Variants in NT5DC3 observed in about 807,000 individuals in gnomAD.
NT5DC3 encodes 5'-nucleotidase domain containing 3.
In NT5DC3, 42 loss-of-function variants were observed where a neutral mutation model predicts 67.8. The observed-to-expected ratio is 0.62, with a 90% CI of 0.48 to 0.80. NT5DC3 has a LOEUF of 0.80. NT5DC3 is among the 30% of genes least tolerant of loss of function. The pLI is 0.00. For missense variants in NT5DC3, 570 were observed against 696.4 expected (o/e 0.82, Z 2.04); for synonymous variants, 237 against 255.6 (o/e 0.93, Z 0.69).
intron 4 of NT5DC3, among the ~76,000 whole-genome samples, chr12:103,805,293 A>G (rs1886750874): frequency 1.3e-5 from 2 of 152,184 alleles, no homozygotes; most frequent in Admixed American, 6.5e-5. Context: ...AAGACTTTAA[A>G]GGTTTTAGGG....
intron 7 of NT5DC3, 42 bp downstream of exon 7, chr12:103,793,895 A>C (rs1471084493): frequency 6.5e-7 from 1 of 1,531,790 alleles, no homozygotes; most frequent in Non-Finnish European, 9.0e-7. Flanking sequence ...CAAAAGAAAC[A>C]GAAAGGCTGA....
intron 10 of NT5DC3, 150 bp from the exon 11 acceptor site, chr12:103,787,677 T>C (rs1885853193): frequency 4.0e-6 from 2 of 497,856 alleles, no homozygotes; most frequent in Non-Finnish European, 7.1e-6. Context: ...ATGGGAAATC[T>C]TTCTTCTATG....
chr12:103,837,958 G>C (rs1888221260), intron 1 of NT5DC3, among the ~76,000 whole-genome samples: 2 of 152,198 alleles, frequency 1.3e-5, no homozygotes, highest in African/African-American at 2.4e-5. Context: ...CCATTTTCAT[G>C]CTGCTAATAA....
the NT5DC3 span, among the ~76,000 whole-genome samples, chr12:103,760,718 G>C: frequency 6.6e-6 from 1 of 152,162 alleles, no homozygotes; most frequent in Non-Finnish European, 1.5e-5. Context: ...GTGCCTGACA[G>C]GTAGCAAGTG....
chr12:103,839,711 A>G (rs931845826), intron 1 of NT5DC3, among the ~76,000 whole-genome samples: 2 of 152,194 alleles, frequency 1.3e-5, no homozygotes, highest in African/African-American at 4.8e-5. Flanking sequence ...TCTTTCCACC[A>G]TACCACACAA....
chr12:103,759,328 C>G, the NT5DC3 span: 3 of 1,598,430 alleles, frequency 1.9e-6, no homozygotes, highest in Non-Finnish European at 2.6e-6. Context: ...TGCAAAGTTC[C>G]TGGCATACAG....
Position 103,777,698 on chromosome 12 carries a change from G to T in NT5DC3, c.*131C>A. 1.9e-6 allele frequency: 2 copies of T among 1,080,068 alleles called. No homozygotes were observed. Among genetic ancestry groups the T allele is most frequent in the Non-Finnish European group, 2.7e-6 (2 of 749,928 alleles). 66.9% of individuals were successfully genotyped at this position (1,080,068 alleles called of 1,614,324 possible). A position where few individuals can be genotyped will look rare whatever the true frequency, so the allele number is the denominator to read the frequency against. On this transcript the variant is annotated 3_prime_UTR_variant, in exon 14 of 14. Coordinates refer to ENST00000392876, the MANE Select transcript of NT5DC3 (RefSeq NM_001031701.3). ...TTAACCATTGGGAGAATTATTCTCC[G>T]TAAGGTACAAAATAAATATCAAAAG...
Position 103,798,576 on chromosome 12 carries a change from C to G in NT5DC3, c.615+11G>C, listed in dbSNP as rs529093352. On this transcript the variant is annotated intron_variant, in intron 5 of 13. Transcript: ENST00000392876. Reference sequence around the variant, plus strand: ...AAGGCTGCTTTAAATGAATAAAGTGCTTCTCATTACCTTTCCGTAAAAGTC... The same window carrying G: ...AAGGCTGCTTTAAATGAATAAAGTGGTTCTCATTACCTTTCCGTAAAAGTC... 6.3e-7 allele frequency: 1 copy of G among 1,593,352 alleles called. No individual in the cohort carries two copies. The highest frequency in any genetic ancestry group is 1.3e-5 in the African/African-American group (1 of 74,560).
intron 2 of NT5DC3, among the ~76,000 whole-genome samples, chr12:103,811,232 G>A (rs1887016965): frequency 7.1e-6 from 1 of 140,638 alleles, no homozygotes; most frequent in South Asian, 2.5e-4. Context: ...ACGCCTTGGA[G>A]TGTATGTTCT....
At chr12:103,787,662 C>A in intron 10 of NT5DC3, 135 bp from the exon 11 acceptor site, 2 of 500,284 alleles carry the variant, frequency 4.0e-6, no homozygotes, top group South Asian at 4.7e-5. Flanking sequence ...GATAAAAGCA[C>A]CTTCATGGGA....
the NT5DC3 span, among the ~76,000 whole-genome samples, chr12:103,761,054 G>A: frequency 7.2e-5 from 11 of 152,290 alleles, no homozygotes; most frequent in East Asian, 5.8e-4. Context: ...TCACTCATCT[G>A]TCAGACAAGT....
At chr12:103,786,732 G>A (rs1885798544) in intron 11 of NT5DC3, among the ~76,000 whole-genome samples, 1 of 144,428 alleles carries the variant, frequency 6.9e-6, no homozygotes, top group South Asian at 2.2e-4. Flanking sequence ...GCCTAGGCTA[G>A]AGTGCAATGG....
intron 2 of NT5DC3, among the ~76,000 whole-genome samples, chr12:103,814,179 C>A (rs566733683): frequency 6.6e-6 from 1 of 152,328 alleles, no homozygotes; most frequent in Admixed American, 6.5e-5. Context: ...TATTGCAGGG[C>A]TTGGCACAAG....
chr12:103,761,847 T>TA, the NT5DC3 span, among the ~76,000 whole-genome samples: 1 of 152,170 alleles, frequency 6.6e-6, no homozygotes, highest in Non-Finnish European at 1.5e-5. Flanking sequence ...TGACACACAG[T>TA]ACATGCTATA....
intron 12 of NT5DC3, among the ~76,000 whole-genome samples, chr12:103,780,636 T>C (rs1885511056): frequency 6.6e-6 from 1 of 152,242 alleles, no homozygotes; most frequent in African/African-American, 2.4e-5. Flanking sequence ...CAGTAAAGAT[T>C]ACATATAAAC....
chr12:103,748,999 C>T, the NT5DC3 span: 2 of 1,614,036 alleles, frequency 1.2e-6, no homozygotes, highest in Non-Finnish European at 8.5e-7. Context: ...GGGGGCTGTG[C>T]AAAGGTGGCC....
the NT5DC3 span, chr12:103,761,528 C>A: frequency 1.2e-6 from 1 of 851,486 alleles, no homozygotes; most frequent in Non-Finnish European, 1.8e-6. Flanking sequence ...ACTGGAGGAG[C>A]CTCCAGCCTC....
In NT5DC3 at chr12:103,777,686, G is replaced by C; in HGVS notation, c.*143C>G. 1 of 990,300 alleles carries C rather than the reference G, an allele frequency of 1.0e-6. No homozygotes were observed. The allele number at this position is 990,300 out of a possible 1,614,324, so 61.3% of individuals were successfully genotyped here. On this transcript the variant is annotated 3_prime_UTR_variant, in exon 14 of 14. Coordinates refer to ENST00000392876, the MANE Select transcript of NT5DC3 (RefSeq NM_001031701.3). ...CTAGCTCCTGTCTTAACCATTGGGAGAATTATTCTCCGTAAGGTACAAAAT... is the reference window on the plus strand; with the variant it reads ...CTAGCTCCTGTCTTAACCATTGGGACAATTATTCTCCGTAAGGTACAAAAT...
At position 103,806,906 on chromosome 12, in the gene NT5DC3, A is replaced by T. The variant is rs1235889620; in HGVS notation, c.417T>A (p.Tyr139Ter). The change falls in exon 3 of 14, where the codon TAT becomes TAA. Residue 139 changes from tyrosine to a stop codon, truncating the protein, a stop_gained. Coordinates refer to ENST00000392876, the MANE Select transcript of NT5DC3 (RefSeq NM_001031701.3). LOFTEE classifies it high-confidence loss of function. ...EHRYPAEIRK[Y>*]EYDPNFAIRG... ...GAATTGCAAAATTTGGGTCATACTCATACTTCCTGATTTCTGCTGGATACT... is the reference window on the plus strand; with the variant it reads ...GAATTGCAAAATTTGGGTCATACTCTTACTTCCTGATTTCTGCTGGATACT... 2 of 1,606,582 alleles carry T rather than the reference A, an allele frequency of 1.2e-6. No homozygotes were observed. The highest frequency in any genetic ancestry group is 1.7e-6 in the Non-Finnish European group (2 of 1,173,258).
Sources: allele counts gnomAD v4.1 joint callset (sites outside exome capture counted in the v4.1 genomes callset), GRCh38; gene constraint gnomAD v4.1.1; transcripts MANE v1.5; gene names NCBI Gene and HGNC (gene_info 2026-07-23, HGNC 2026-07-21).